PCSK5: variants seen among roughly 807,000 people sequenced by gnomAD.
PCSK5 encodes the protein prohormone convertase 5.
Under a neutral mutation model 233.2 loss-of-function variants are expected in PCSK5, and 129 were observed. The ratio of observed to expected loss-of-function variants is 0.55; its 90% CI spans 0.48 to 0.64. The LOEUF (loss-of-function observed/expected upper bound fraction) is 0.64. Ranked by LOEUF, PCSK5 falls within the 30% of genes least tolerant of loss-of-function variation. The pLI, the probability that PCSK5 is intolerant of heterozygous loss-of-function variation, is 0.00. For synonymous variants in PCSK5, 825 were observed against 879.2 expected, an observed-to-expected ratio of 0.94 and a Z score of 1.09; for missense variants, 2,076 against 2,430.1, an observed-to-expected ratio of 0.85 and a Z score of 3.06.
intron 2 of PCSK5, among the ~76,000 whole-genome samples, chr9:75,965,482 G>A (rs948371185): frequency 2.6e-5 from 4 of 152,178 alleles, no homozygotes; most frequent in Non-Finnish European, 5.9e-5. Flanking sequence ...TAGGGCAGAA[G>A]ACCAGTGCCC....
chr9:76,296,892 CA>C (rs1828457838), intron 27 of PCSK5, 27 bp downstream of exon 27: 3 of 1,512,276 alleles, frequency 2.0e-6, no homozygotes, highest in South Asian at 1.1e-5. Context: ...AAAGAGGTCA[CA>C]GGGGTCTAGC....
chr9:76,129,504 T>A (rs1436808805), intron 9 of PCSK5, among the ~76,000 whole-genome samples: 2 of 152,174 alleles, frequency 1.3e-5, no homozygotes, highest in Non-Finnish European at 2.9e-5. Flanking sequence ...GTTGTCTTTT[T>A]TATCAGCTGC....
chr9:76,308,593 C>A, intron 28 of PCSK5, 52 bp from the exon 29 acceptor site: 1 of 1,001,172 alleles, frequency 1.0e-6, no homozygotes, highest in Non-Finnish European at 1.6e-6. Flanking sequence ...TACTGGAATC[C>A]TATGTGCCTA....
intron 1 of PCSK5, among the ~76,000 whole-genome samples, chr9:75,914,035 T>C (rs1013762504): frequency 6.6e-6 from 1 of 152,190 alleles, no homozygotes; most frequent in Non-Finnish European, 1.5e-5. Context: ...TTAAATGATT[T>C]GTAGTTTTCT....
intron 24 of PCSK5, among the ~76,000 whole-genome samples, chr9:76,246,964 T>G (rs761100951): frequency 6.6e-5 from 10 of 152,214 alleles, no homozygotes; most frequent in Non-Finnish European, 1.5e-4. Context: ...CTTGGCCTCA[T>G]GGATTCCAAG....
intron 2 of PCSK5, among the ~76,000 whole-genome samples, chr9:75,958,505 AG>A (rs1825194359): frequency 6.6e-6 from 1 of 152,156 alleles, no homozygotes; most frequent in Non-Finnish European, 1.5e-5. Context: ...TGTAGCTTGG[AG>A]GCAGCTTGGT....
intron 35 of PCSK5, among the ~76,000 whole-genome samples, chr9:76,349,292 GAAAAA>G (rs1165629106): frequency 5.4e-5 from 3 of 55,768 alleles, no homozygotes; most frequent in Non-Finnish European, 1.5e-4. Flanking sequence ...AAAAAAAAAA[GAAAAA>G]AGAAAAAGAA....
intron 5 of PCSK5, among the ~76,000 whole-genome samples, chr9:76,031,461 G>A (rs1373643098): frequency 2.0e-5 from 3 of 152,176 alleles, no homozygotes; most frequent in South Asian, 2.1e-4. Context: ...GCCAAGGCTG[G>A]AGGATCACTT....
intron 21 of PCSK5, among the ~76,000 whole-genome samples, chr9:76,229,744 A>G (rs1379701474): frequency 2.0e-5 from 3 of 152,238 alleles, no homozygotes; most frequent in Non-Finnish European, 4.4e-5. Context: ...CTTTCATTAC[A>G]GTTCATGTCA....
chr9:76,160,980 GC>G (rs1431123828), intron 12 of PCSK5, among the ~76,000 whole-genome samples: 1 of 152,048 alleles, frequency 6.6e-6, no homozygotes, highest in Non-Finnish European at 1.5e-5. Flanking sequence ...CACCATGTTG[GC>G]CAGGCTGGTC....
intron 1 of PCSK5, among the ~76,000 whole-genome samples, chr9:75,911,183 T>C (rs901712808): frequency 1.4e-5 from 2 of 147,320 alleles, no homozygotes; most frequent in African/African-American, 5.0e-5. Flanking sequence ...AATTGATACA[T>C]TGCGTGTGAA....
chr9:76,346,993 C>G (rs1829997959), intron 35 of PCSK5, among the ~76,000 whole-genome samples: 1 of 152,162 alleles, frequency 6.6e-6, no homozygotes, highest in Admixed American at 6.6e-5. Context: ...TTCTCTGTAA[C>G]TGACACCTCC....
At chr9:75,910,672 T>C (rs111599118) in intron 1 of PCSK5, among the ~76,000 whole-genome samples, 8,816 of 152,218 alleles carry the variant, frequency 0.058, 386 homozygotes, top group African/African-American at 0.11. Flanking sequence ...AGCATGTTAA[T>C]TTTGTACTTC....
chr9:75,937,487 A>G lies in PCSK5; in HGVS notation c.297+5004A>G, dbSNP rs1442085380. Among the ~76,000 whole-genome samples the G allele has an allele frequency of 2.0e-5, 3 of 152,038 alleles. No individual in the cohort carries two copies. The East Asian group carries it at 5.8e-4, about 29-fold the overall frequency. ...AGCCACCACTCTCAGCCCTCCATTT[A>G]GCATCATTCTTAAGGGCCCTAGGAT... On this transcript the variant is annotated intron_variant, in intron 2 of 37. Transcript: ENST00000674117.
chr9:75,991,729 T>C (rs1355739025), intron 3 of PCSK5, among the ~76,000 whole-genome samples: 1 of 152,142 alleles, frequency 6.6e-6, no homozygotes, highest in East Asian at 1.9e-4. Context: ...ACCCAGCTGA[T>C]ACAGTGGCCC....
At chr9:75,994,926 A>G (rs1230960293) in intron 3 of PCSK5, among the ~76,000 whole-genome samples, 1 of 152,170 alleles carries the variant, frequency 6.6e-6, no homozygotes, top group Non-Finnish European at 1.5e-5. Flanking sequence ...GCCTCACATG[A>G]TTTGTTCTCT....
chr9:76,004,921 G>A (rs986130946), intron 3 of PCSK5, among the ~76,000 whole-genome samples: 10 of 152,162 alleles, frequency 6.6e-5, no homozygotes, highest in African/African-American at 2.4e-4. Flanking sequence ...TAAAAATCAA[G>A]ATATCGGTGA....
chr9:75,987,601 ATTTTGG>A, intron 3 of PCSK5, among the ~76,000 whole-genome samples: 1 of 152,124 alleles, frequency 6.6e-6, no homozygotes, highest in Non-Finnish European at 1.5e-5. Context: ...TTATGGAAAT[ATTTTGG>A]ATCCCAAACA....
chr9:76,015,731 C>A (rs890980809), intron 3 of PCSK5, among the ~76,000 whole-genome samples: 1 of 152,342 alleles, frequency 6.6e-6, no homozygotes, highest in East Asian at 1.9e-4. Context: ...ATACAGCCAA[C>A]TCTCAGAGAA....
Sources: gnomAD v4.1 joint callset for allele counts (sites outside exome capture counted in the v4.1 genomes callset) on GRCh38, gnomAD v4.1.1 for gene constraint, MANE v1.5 for transcripts, NCBI Gene and HGNC (gene_info 2026-07-23, HGNC 2026-07-21) for gene names.